The following TAX1BP1 variants were observed in gnomAD, a reference collection of about 807,000 sequenced individuals.
TAX1BP1 encodes the protein tax1-binding protein 1.
A neutral mutation model predicts 97.7 loss-of-function variants in TAX1BP1; 62 were observed. The ratio of observed to expected loss-of-function variants is 0.63; its 90% CI spans 0.52 to 0.78. The LOEUF (loss-of-function observed/expected upper bound fraction) is 0.78. TAX1BP1 is among the 30% of genes least tolerant of loss of function. The pLI, the probability that TAX1BP1 is intolerant of heterozygous loss-of-function variation, is 0.00. For missense variants in TAX1BP1, 867 were observed against 916.1 expected, an observed-to-expected ratio of 0.95 and a Z score of 0.69; for synonymous variants, 340 against 304.2, an observed-to-expected ratio of 1.12 and a Z score of -1.23.
At position 27,794,364 on chromosome 7, in the gene TAX1BP1, G is replaced by A. The variant is rs1204166894; in HGVS notation, c.1452G>A (p.Gln484=). 4 of 1,613,154 alleles carry A rather than the reference G, an allele frequency of 2.5e-6. No homozygotes were observed. Among genetic ancestry groups the A allele is most frequent in the Non-Finnish European group, 2.5e-6 (3 of 1,179,482 alleles). Residue 484 remains glutamine, a synonymous_variant, in exon 11 of 17, where the codon CAG becomes CAA. Transcript: ENST00000396319. ...NNVFTKKTGN[Q]QKVNDASVNT... ...TCTTCACAAAGAAAACGGGGAATCA[G>A]CAGAAAGTGAATGATGCTTCAGTAA...
chr7:27,817,214 G>C (rs570417287), intron 15 of TAX1BP1, among the ~76,000 whole-genome samples, 176 bp downstream of exon 15: 5 of 152,238 alleles, frequency 3.3e-5, no homozygotes, highest in African/African-American at 1.2e-4. Context: ...AACTGTGCTT[G>C]TATTTAAATT....
intron 5 of TAX1BP1, among the ~76,000 whole-genome samples, chr7:27,773,605 T>C (rs1205779124): frequency 6.6e-6 from 1 of 152,112 alleles, no homozygotes; most frequent in African/African-American, 2.4e-5. Context: ...TCAAGGTTCA[T>C]CCATGTTGTA....
chr7:27,755,092 A>G (rs1788161138), intron 2 of TAX1BP1, among the ~76,000 whole-genome samples: 2 of 152,092 alleles, frequency 1.3e-5, no homozygotes, highest in Non-Finnish European at 1.5e-5. Flanking sequence ...TTTTTTTCCT[A>G]AAGGAACTTT....
intron 13 of TAX1BP1, among the ~76,000 whole-genome samples, chr7:27,801,682 A>G (rs558860180): frequency 6.6e-6 from 1 of 152,334 alleles, no homozygotes; most frequent in South Asian, 2.1e-4. Context: ...CTAGGTAATC[A>G]TCTATAAGCC....
At chr7:27,778,726 G>C (rs1165827939) in intron 5 of TAX1BP1, among the ~76,000 whole-genome samples, 1 of 151,988 alleles carries the variant, frequency 6.6e-6, no homozygotes, top group Non-Finnish European at 1.5e-5. Context: ...AGCTGAGTGT[G>C]GTGGCACGCA....
At chr7:27,764,187 C>T (rs1788534458) in intron 3 of TAX1BP1, among the ~76,000 whole-genome samples, 1 of 152,196 alleles carries the variant, frequency 6.6e-6, no homozygotes, top group Non-Finnish European at 1.5e-5. Flanking sequence ...AAACCTTACT[C>T]AGATTTCACC....
Position 27,793,274 on chromosome 7 carries a change from A to T in TAX1BP1, c.1410+62A>T. On this transcript the variant is annotated intron_variant, in intron 10 of 16. Coordinates refer to ENST00000396319, the MANE Select transcript of TAX1BP1 (RefSeq NM_006024.7). ...TGTTAGTATTTTTGTTCGAAAATCA[A>T]ATTTGTAATATTCCAAATATCAACC... 4 of 1,371,662 alleles carry T rather than the reference A, an allele frequency of 2.9e-6. No individual in the cohort carries two copies. In the South Asian group the frequency reaches 4.3e-5, roughly 15 times the overall value. The allele number at this position is 1,371,662 out of a possible 1,614,324, so 85.0% of individuals were successfully genotyped here. A position where few individuals can be genotyped will look rare whatever the true frequency, so the allele number is the denominator to read the frequency against.
chr7:27,762,233 G>A (rs944121862), intron 3 of TAX1BP1, among the ~76,000 whole-genome samples: 1 of 152,132 alleles, frequency 6.6e-6, no homozygotes, highest in African/African-American at 2.4e-5. Flanking sequence ...AGGAAATGTT[G>A]TAAGTTATAT....
chr7:27,761,145 A>G (rs1045153094), intron 3 of TAX1BP1, among the ~76,000 whole-genome samples: 2 of 152,204 alleles, frequency 1.3e-5, no homozygotes, highest in African/African-American at 4.8e-5. Context: ...GCTCAGATTA[A>G]TCAGCTTCAG....
chr7:27,768,430 A>G (rs887920031), intron 4 of TAX1BP1, among the ~76,000 whole-genome samples: 4 of 152,044 alleles, frequency 2.6e-5, no homozygotes, highest in Non-Finnish European at 4.4e-5. Context: ...AAAAATGTCT[A>G]CTTAAGCTTT....
At chr7:27,759,804 T>C (rs1583675186) in intron 3 of TAX1BP1, among the ~76,000 whole-genome samples, 1 of 152,280 alleles carries the variant, frequency 6.6e-6, no homozygotes, top group East Asian at 1.9e-4. Context: ...ATAAAGTTTA[T>C]TGTCTCACAC....
chr7:27,803,284 C>T (rs1790207747), intron 13 of TAX1BP1: 1 of 1,096,462 alleles, frequency 9.1e-7, no homozygotes, highest in Non-Finnish European at 1.2e-6. Context: ...GTACAATGTT[C>T]AAATTTAGGA....
Position 27,828,955 on chromosome 7 carries a change from C to G in TAX1BP1, c.*126C>G, listed in dbSNP as rs1173158659. The G allele has an allele frequency of 2.9e-6, 2 of 687,174 alleles. No homozygotes were observed. The highest frequency in any genetic ancestry group is 3.6e-5 in the African/African-American group (2 of 54,980). 42.6% of individuals were successfully genotyped at this position (687,174 alleles called of 1,614,324 possible). On this transcript the variant is annotated 3_prime_UTR_variant, in exon 17 of 17. Coordinates refer to ENST00000396319, the MANE Select transcript of TAX1BP1 (RefSeq NM_006024.7). Reference sequence around the variant, plus strand: ...TGCACCCTTTACTGCACTTTCTGACCAGGAGCTACTTTGAGTTTGGTGTTA... The same window carrying G: ...TGCACCCTTTACTGCACTTTCTGACGAGGAGCTACTTTGAGTTTGGTGTTA...
chr7:27,782,101 A>G (rs922511944), intron 5 of TAX1BP1, among the ~76,000 whole-genome samples: 11 of 152,184 alleles, frequency 7.2e-5, no homozygotes, highest in Admixed American at 3.9e-4. Context: ...TCTTTTTAAA[A>G]ACTTTTTGAT....
At chr7:27,768,252 A>G (rs1251156874) in intron 4 of TAX1BP1, among the ~76,000 whole-genome samples, 1 of 152,020 alleles carries the variant, frequency 6.6e-6, no homozygotes, top group Admixed American at 6.5e-5. Context: ...AAACTTAGGT[A>G]TATAAAGAGA....
intron 13 of TAX1BP1, among the ~76,000 whole-genome samples, chr7:27,812,583 C>G (rs1433450749): frequency 2.2e-5 from 3 of 136,794 alleles, no homozygotes; most frequent in Non-Finnish European, 4.6e-5. Context: ...AGATATTCTC[C>G]TATTTTTTTC....
intron 1 of TAX1BP1, among the ~76,000 whole-genome samples, chr7:27,742,620 C>A (rs1203878281): frequency 2.6e-5 from 4 of 152,316 alleles, no homozygotes; most frequent in South Asian, 2.1e-4. Flanking sequence ...CTTTTCCCCA[C>A]ACATACCCGG....
At chr7:27,818,913 T>C (rs981351863) in intron 15 of TAX1BP1, among the ~76,000 whole-genome samples, 4 of 152,158 alleles carry the variant, frequency 2.6e-5, no homozygotes, top group Admixed American at 1.3e-4. Context: ...TCTCATGAGA[T>C]TGGCTATAGA....
chr7:27,802,983 G>C lies in TAX1BP1; in HGVS notation c.1764+2893G>C, dbSNP rs992800377. The C allele has an allele frequency of 1.1e-5, 10 of 887,858 alleles. No individual in the cohort carries two copies. In the South Asian group the frequency reaches 2.6e-4, roughly 23 times the overall value. 55.0% of individuals were successfully genotyped at this position (887,858 alleles called of 1,614,324 possible). On this transcript the variant is annotated intron_variant, in intron 13 of 16. Coordinates refer to ENST00000396319, the MANE Select transcript of TAX1BP1 (RefSeq NM_006024.7). Reference sequence around the variant, plus strand: ...GTAATTCAGAGAAGTCAAAGAATTAGCTGAGGAAAATACGTGGATTTAGTA... The same window carrying C: ...GTAATTCAGAGAAGTCAAAGAATTACCTGAGGAAAATACGTGGATTTAGTA...
Sources: gnomAD v4.1 joint callset for allele counts (sites outside exome capture counted in the v4.1 genomes callset) on GRCh38, gnomAD v4.1.1 for gene constraint, MANE v1.5 for transcripts, NCBI Gene and HGNC (gene_info 2026-07-23, HGNC 2026-07-21) for gene names.